The following LMF2 variants were observed in gnomAD, a reference collection of about 807,000 sequenced individuals.
LMF2 encodes transmembrane protein 112B.
A neutral mutation model predicts 81.5 loss-of-function variants in LMF2; 113 were observed. That is an observed-to-expected ratio of 1.39 (90% CI 1.19 to 1.62). The LOEUF (loss-of-function observed/expected upper bound fraction) is 1.62, where lower values mean the gene tolerates loss of function less well. LMF2 is among the 40% of genes most tolerant of loss of function. The pLI is 0.00. For synonymous variants in LMF2, 645 were observed against 424.5 expected, an observed-to-expected ratio of 1.52 and a Z score of -6.39; for missense variants, 1,235 against 929.1, an observed-to-expected ratio of 1.33 and a Z score of -4.28.
rs780339634 is a variant in LMF2, at chr22:50,506,926, C to T, written c.204G>A (p.Pro68=). 34 of 1,580,284 alleles carry T rather than the reference C, an allele frequency of 2.2e-5. No homozygotes were observed. Among genetic ancestry groups the T allele is most frequent in the Non-Finnish European group, 2.8e-5 (33 of 1,165,998 alleles). The stretch of plus-strand genomic sequence containing the variant: ...CCTGGGCCGTGTCCAGCCCCAGTCT[C>T]GGCGCTTCCCACAGCAGCGTCGGGG... The part of the protein sequence containing the change: ...WETPTLLWEA[P]RLGLDTAQGL... The change falls in exon 2 of 14, where the codon CCG becomes CCA. Residue 68 remains proline (P), a synonymous_variant. Transcript: ENST00000474879.
In LMF2 at chr22:50,506,678, G is replaced by A. The variant is rs376884464; in HGVS notation, c.349-12C>T. The A allele has an allele frequency of 1.7e-4, 275 of 1,613,616 alleles. No individual in the cohort carries two copies. Among genetic ancestry groups the A allele is most frequent in the Non-Finnish European group, 2.1e-4 (251 of 1,179,924 alleles). On this transcript the variant is annotated splice_polypyrimidine_tract_variant and intron_variant, in intron 2 of 13. Transcript: ENST00000474879. ...AACACCTGGCCCACCTGCGGAGAGA[G>A]GGGCTGTCAGGGAGCGGGTGTGTCT...
rs1301395215 is a variant in LMF2 at position 50,506,313 on chromosome 22, G to A, written c.567C>T (p.Ser189=). 2 of 1,549,576 alleles carry A rather than the reference G, an allele frequency of 1.3e-6. No individual in the cohort carries two copies. Among genetic ancestry groups the A allele is most frequent in the Admixed American group, 3.9e-5 (2 of 50,986 alleles). Reference sequence around the variant, plus strand: ...TGAGCCCCCACCACGCAGGGCAGCGGCTGGTCAGCTTGACCACGCCTGAGG... The same window carrying A: ...TGAGCCCCCACCACGCAGGGCAGCGACTGGTCAGCTTGACCACGCCTGAGG... The part of the protein sequence containing the change: ...MFASGVVKLT[S]RCPAWWGLTA... The change falls in exon 4 of 14, where the codon AGC becomes AGT. Residue 189 remains serine, a synonymous_variant. Transcript: ENST00000474879.
At position 50,504,942 on chromosome 22, in the gene LMF2, A is replaced by G; in HGVS notation, c.1297T>C (p.Trp433Arg). Residue 433 changes from tryptophan to arginine, a missense_variant, in exon 10 of 14, where the codon TGG (tryptophan) becomes CGG (arginine). Transcript: ENST00000474879. Reference protein sequence around the residue: ...YVEPGTHGRLWTGAHRLFGAV... With the variant: ...YVEPGTHGRLRTGAHRLFGAV... ...CCAAACAGGCGGTGGGCCCCGGTCC[A>G]GAGGCGCCCGTGGGTCCCGGGCTCC... 1 of 1,607,752 alleles carries G rather than the reference A, an allele frequency of 6.2e-7. No individual in the cohort carries two copies. The highest frequency in any genetic ancestry group is 8.5e-7 in the Non-Finnish European group (1 of 1,176,772).
chr22:50,505,146 G>A lies in LMF2; in HGVS notation c.1165C>T (p.Gln389Ter). Reference sequence around the variant, plus strand: ...AGCTTCCGTAGCCAGCCCCGCACCTGGGTCCACCTGTGGGCAAGGACCCAA... The same window carrying A: ...AGCTTCCGTAGCCAGCCCCGCACCTAGGTCCACCTGTGGGCAAGGACCCAA... ...ELLSALWRWT[Q>*]VRGWLRKLSA... The change falls in exon 9 of 14, where the codon CAG becomes TAG. Residue 389 changes from glutamine (Q) to a stop codon, truncating the protein, a stop_gained. Coordinates refer to ENST00000474879, the MANE Select transcript of LMF2 (RefSeq NM_033200.3). LOFTEE classifies it high-confidence loss of function. The A allele has an allele frequency of 6.2e-7, 1 of 1,612,964 alleles. No homozygotes were observed.
rs558923692 is a variant in LMF2 at position 50,506,302 on chromosome 22, G to A, written c.578C>T (p.Ala193Val). ...CCCCTCACCAGTGAGCCCCCACCACGCAGGGCAGCGGCTGGTCAGCTTGAC... is the reference window on the plus strand; with the variant it reads ...CCCCTCACCAGTGAGCCCCCACCACACAGGGCAGCGGCTGGTCAGCTTGAC... ...GVVKLTSRCP[A>V]WWGLTALTYH... The change falls in exon 4 of 14, where the codon GCG (alanine) becomes GTG (valine). Residue 193 changes from alanine to valine, a missense_variant. Ala to Val is a moderately conservative substitution (Grantham distance 64). Coordinates refer to ENST00000474879, the MANE Select transcript of LMF2 (RefSeq NM_033200.3). 8 of 1,549,330 alleles carry A rather than the reference G, an allele frequency of 5.2e-6. No homozygotes were observed. Among genetic ancestry groups the A allele is most frequent in the South Asian group, 4.8e-5 (4 of 84,016 alleles).
chr22:50,505,382 C>T (rs906922185), intron 7 of LMF2, 21 bp downstream of exon 7: 2 of 1,613,046 alleles, frequency 1.2e-6, no homozygotes, highest in South Asian at 2.2e-5. Flanking sequence ...TGCCCTCTGG[C>T]CCCCCCAGGT....
Position 50,505,079 on chromosome 22 carries a change from A to G in LMF2, c.1232T>C (p.Val411Ala). 1 of 1,612,954 alleles carries G rather than the reference A, an allele frequency of 6.2e-7. No homozygotes were observed. Among genetic ancestry groups the G allele is most frequent in the Non-Finnish European group, 8.5e-7 (1 of 1,179,982 alleles). Residue 411 changes from valine to alanine, a missense_variant, in exon 9 of 14, where the codon GTG becomes GCG. Transcript: ENST00000474879. ...VQLSLVGTAT[V>A]ALFLISLVPY... ...CACCAGGCTAATCAGGAACAAGGCC[A>G]CGGTCGCAGTGCCCACAAGGGACAG...
chr22:50,507,506 G>T, intron 1 of LMF2, 76 bp downstream of exon 1: 1 of 1,169,736 alleles, frequency 8.5e-7, no homozygotes, highest in Admixed American at 2.0e-5. Context: ...CGGACTGCGT[G>T]AGTGCCGGGC....
chr22:50,504,433 C>T lies in LMF2; in HGVS notation c.1625G>A (p.Ser542Asn). ...GKEPVIRLVQ[S>N]QVARYPFHKQ... is the part of the protein sequence containing the mutation. ...GTGGAAGGGATACCTGGCCACTTGG[C>T]TCTGGACAAGGCGGATCACTGCAGC... Residue 542 changes from serine (S) to asparagine (N), a missense_variant, in exon 12 of 14, where the codon AGC (serine) becomes AAC (asparagine). Coordinates refer to ENST00000474879, the MANE Select transcript of LMF2 (RefSeq NM_033200.3). 3 of 1,612,056 alleles carry T rather than the reference C, an allele frequency of 1.9e-6. No homozygotes were observed. The highest frequency in any genetic ancestry group is 2.2e-5 in the East Asian group (1 of 44,824).
intron 8 of LMF2, 33 bp from the exon 9 acceptor site, chr22:50,505,186 C>G: frequency 6.2e-7 from 1 of 1,612,714 alleles, no homozygotes; most frequent in Non-Finnish European, 8.5e-7. Context: ...GTCAGGCCGG[C>G]CCTGCACACC....
In LMF2 at chr22:50,505,300, C is replaced by T. The variant is rs367963061; in HGVS notation, c.1086G>A (p.Lys362=). ...FTFHQFSQWL[K]TLTLPTVWLG... is the part of the protein sequence containing the mutation. Reference sequence around the variant, plus strand: ...GCCACACAGTGGGCAGCGTCAGTGTCTTCAGCCACTGAGAAAACTGGTGGA... The same window carrying T: ...GCCACACAGTGGGCAGCGTCAGTGTTTTCAGCCACTGAGAAAACTGGTGGA... The change falls in exon 8 of 14, where the codon AAG becomes AAA. Residue 362 remains lysine (K), a synonymous_variant. Transcript: ENST00000474879. The T allele has an allele frequency of 1.2e-5, 19 of 1,613,208 alleles. No homozygotes were observed. The highest frequency in any genetic ancestry group is 4.0e-5 in the African/African-American group (3 of 74,940).
chr22:50,503,285 G>C lies in LMF2; in HGVS notation c.*106C>G, dbSNP rs1244565503. The stretch of plus-strand genomic sequence containing the variant: ...GGGGCAGCCCCCCAACCTGTGCCTG[G>C]CCCTGCAGGGTCAGCTAAGGCACAG... On this transcript the variant is annotated 3_prime_UTR_variant, in exon 14 of 14. Transcript: ENST00000474879. The C allele has an allele frequency of 8.1e-7, 1 of 1,236,432 alleles. No individual in the cohort carries two copies. The highest frequency in any genetic ancestry group is 1.5e-5 in the African/African-American group (1 of 65,618). 76.6% of individuals were successfully genotyped at this position (1,236,432 alleles called of 1,614,324 possible).
Position 50,504,560 on chromosome 22 carries a change from T to C in LMF2, c.1605A>G (p.Pro535=), listed in dbSNP as rs2068503665. The C allele has an allele frequency of 1.4e-6, 2 of 1,394,686 alleles. No homozygotes were observed. Among genetic ancestry groups the C allele is most frequent in the East Asian group, 8.8e-5 (2 of 22,706 alleles). The allele number at this position is 1,394,686 out of a possible 1,614,324, so 86.4% of individuals were successfully genotyped here. ...LVLRLLQGKE[P]VIRLVQSQVA... The stretch of plus-strand genomic sequence containing the variant: ...ACACCCCCCAAGCCCGCTCCGCACC[T>C]GGCTCCTTGCCCTGCAGCAGGCGCA... Residue 535 remains proline (P), a splice_region_variant and synonymous_variant, in exon 11 of 14, where the codon CCA becomes CCG. Coordinates refer to ENST00000474879, the MANE Select transcript of LMF2 (RefSeq NM_033200.3).
intron 5 of LMF2, 22 bp downstream of exon 5, chr22:50,506,013 G>C (rs1351094808): frequency 4.5e-6 from 7 of 1,571,320 alleles, no homozygotes; most frequent in South Asian, 1.2e-5. Context: ...GCCTCTCTCT[G>C]ACAGCTGCGG....
intron 11 of LMF2, 42 bp from the exon 12 acceptor site, chr22:50,504,493 C>CCGG: frequency 6.7e-7 from 1 of 1,491,676 alleles, no homozygotes; most frequent in Non-Finnish European, 9.2e-7. Flanking sequence ...AGTACCCGCC[C>CCGG]TGCCCCTCCC....
rs781139281 is a variant in LMF2, at chr22:50,505,749, G to A, written c.841C>T (p.Leu281Phe). Residue 281 changes from leucine (L) to phenylalanine (F), a missense_variant, in exon 6 of 14, where the codon CTT becomes TTT. By Grantham distance (22) the Leu-to-Phe change is conservative. Coordinates refer to ENST00000474879, the MANE Select transcript of LMF2 (RefSeq NM_033200.3). The stretch of plus-strand genomic sequence containing the variant: ...TGGTCGTCCAGCAGCGCAGTGGTAA[G>A]CACCAGCGTCATCAGGTTGAAGAAG... ...YNFFNLMTLV[L>F]TTALLDDQHL... The A allele has an allele frequency of 3.1e-6, 5 of 1,613,098 alleles. No homozygotes were observed. The highest frequency in any genetic ancestry group is 1.3e-5 in the African/African-American group (1 of 74,932).
chr22:50,503,172 C>G lies in LMF2; in HGVS notation c.*219G>C. The G allele has an allele frequency of 1.9e-6, 1 of 537,858 alleles. No individual in the cohort carries two copies. The highest frequency in any genetic ancestry group is 3.4e-5 in the East Asian group (1 of 29,106). The allele number at this position is 537,858 out of a possible 1,614,324, so 33.3% of individuals were successfully genotyped here. On this transcript the variant is annotated 3_prime_UTR_variant, in exon 14 of 14. Transcript: ENST00000474879. ...TCGTGTTTTCCTCCTGGGCCAATCACAGAGGCAATAGTGGGAGTCCTGGGG... is the reference window on the plus strand; with the variant it reads ...TCGTGTTTTCCTCCTGGGCCAATCAGAGAGGCAATAGTGGGAGTCCTGGGG...
intron 5 of LMF2, 22 bp from the exon 6 acceptor site, chr22:50,505,837 T>G (rs757126931): frequency 4.3e-6 from 7 of 1,611,826 alleles, no homozygotes; most frequent in South Asian, 1.1e-5. Flanking sequence ...CCGCTCTCAG[T>G]GCTCCCGGAG....
rs747524781 is a variant in LMF2 at position 50,504,547 on chromosome 22, C to G, written c.1606+12G>C. On this transcript the variant is annotated intron_variant, in intron 11 of 13. Transcript: ENST00000474879. The stretch of plus-strand genomic sequence containing the variant: ...CCCAGCCCACTCCACACCCCCCAAG[C>G]CCGCTCCGCACCTGGCTCCTTGCCC... 9.4e-5 allele frequency: 147 copies of G among 1,560,846 alleles called. No homozygotes were observed. The highest frequency in any genetic ancestry group is 1.2e-4 in the Non-Finnish European group (144 of 1,156,820).
Sources: allele counts gnomAD v4.1 joint callset, GRCh38; gene constraint gnomAD v4.1.1; transcripts MANE v1.5; gene names NCBI Gene and HGNC (gene_info 2026-07-23, HGNC 2026-07-21).